The following SUMF1 variants were observed in gnomAD, a reference collection of about 807,000 sequenced individuals.
SUMF1 encodes formylglycine-generating enzyme.
A neutral mutation model predicts 47.6 loss-of-function variants in SUMF1; 48 were observed. The observed-to-expected ratio is 1.01, with a 90% CI of 0.80 to 1.28. SUMF1 has a LOEUF of 1.28. Among genes scored for constraint, SUMF1 ranks in the 50% most tolerant of loss-of-function variants. The pLI, the probability that SUMF1 is intolerant of heterozygous loss-of-function variation, is 0.00. For missense variants in SUMF1, 571 were observed against 485.4 expected (o/e 1.18, Z -1.66); for synonymous variants, 230 against 192.1 (o/e 1.20, Z -1.63).
At chr3:4,146,042 T>G (rs941722658) in intron 8 of SUMF1, among the ~76,000 whole-genome samples, 3 of 152,170 alleles carry the variant, frequency 2.0e-5, no homozygotes, top group Non-Finnish European at 4.4e-5. Flanking sequence ...GCCCCATTTA[T>G]TCCAGCAGGC....
rs367783148 is a variant in SUMF1, at chr3:4,264,784, A to G, written c.1014+111546T>C. Among the ~76,000 whole-genome samples the G allele has an allele frequency of 1.2e-4, 18 of 152,272 alleles. No individual in the cohort carries two copies. In the East Asian group the frequency reaches 1.5e-3, roughly 13 times the overall value. ...GACATTTAACTACCTAATATCAGAC[A>G]TTGTTAACAGCAGCAATTGCTAACA... On this transcript the variant is annotated intron_variant and NMD_transcript_variant, in intron 8 of 12. Transcript: ENST00000448413.
chr3:4,138,090 A>T (rs1359085053), intron 8 of SUMF1, among the ~76,000 whole-genome samples: 1 of 152,102 alleles, frequency 6.6e-6, no homozygotes, highest in Non-Finnish European at 1.5e-5. Flanking sequence ...AATACTTAGG[A>T]ATAAATTTAA....
chr3:4,103,519 C>T (rs1693086260), intron 8 of SUMF1, among the ~76,000 whole-genome samples: 1 of 151,962 alleles, frequency 6.6e-6, no homozygotes. Context: ...AAGAGGATGG[C>T]AAGTCCTAGA....
intron 8 of SUMF1, among the ~76,000 whole-genome samples, chr3:4,146,972 T>C (rs1574925731): frequency 6.6e-6 from 1 of 152,110 alleles, no homozygotes; most frequent in African/African-American, 2.4e-5. Flanking sequence ...GTCTTTGCTA[T>C]TGTGAATACA....
At chr3:4,278,474 C>T (rs1448829713) in intron 8 of SUMF1, among the ~76,000 whole-genome samples, 1 of 152,010 alleles carries the variant, frequency 6.6e-6, no homozygotes, top group Non-Finnish European at 1.5e-5. Flanking sequence ...TTTGAAAATA[C>T]AGGATGACTT....
At chr3:4,090,446 T>C (rs1692761605) in intron 8 of SUMF1, among the ~76,000 whole-genome samples, 1 of 152,098 alleles carries the variant, frequency 6.6e-6, no homozygotes, top group African/African-American at 2.4e-5. Context: ...CCAAGGTCAG[T>C]TCCCACCTTG....
At chr3:4,149,542 A>T (rs1694271014) in intron 8 of SUMF1, among the ~76,000 whole-genome samples, 2 of 152,300 alleles carry the variant, frequency 1.3e-5, no homozygotes, top group Middle Eastern at 6.8e-3. Flanking sequence ...TCTGGAGGCA[A>T]CATGTTCCTC....
chr3:4,266,315 T>C (rs1023474518), intron 8 of SUMF1, among the ~76,000 whole-genome samples: 3 of 152,204 alleles, frequency 2.0e-5, no homozygotes, highest in African/African-American at 7.2e-5. Flanking sequence ...ATAAATTACC[T>C]TGGGCAGTAT....
At chr3:4,354,531 T>C (rs1444706412) in intron 8 of SUMF1, among the ~76,000 whole-genome samples, 1 of 152,202 alleles carries the variant, frequency 6.6e-6, no homozygotes. Flanking sequence ...ACTTTCCCCT[T>C]CCGTGAGAAC....
At chr3:4,088,611 C>A (rs1368676239) in intron 8 of SUMF1, among the ~76,000 whole-genome samples, 1 of 152,182 alleles carries the variant, frequency 6.6e-6, no homozygotes, top group Non-Finnish European at 1.5e-5. Context: ...TACTTATTTT[C>A]TATCTCCCCA....
intron 2 of SUMF1, among the ~76,000 whole-genome samples, chr3:4,450,939 G>A (rs1179727152): frequency 6.6e-6 from 1 of 152,000 alleles, no homozygotes; most frequent in Admixed American, 6.5e-5. Flanking sequence ...ATAAAGTAAA[G>A]CTGGAGAGAT....
intron 8 of SUMF1, chr3:4,316,576 A>G (rs1350194799): frequency 2.6e-6 from 4 of 1,552,380 alleles, no homozygotes; most frequent in African/African-American, 1.4e-5. Flanking sequence ...TGGGTGCCTC[A>G]TGAGCTGACT....
At position 4,046,443 on chromosome 3, in the gene SUMF1, C is replaced by G. The variant is rs545555124; in HGVS notation, c.1191+22126G>C. Among the ~76,000 whole-genome samples the G allele has an allele frequency of 2.6e-5, 4 of 152,298 alleles. No homozygotes were observed. The South Asian group carries it at 8.3e-4, about 32-fold the overall frequency. On this transcript the variant is annotated intron_variant and NMD_transcript_variant, in intron 9 of 12. Transcript: ENST00000448413. ...AGTGGGATAAAGATGGAAGTTTCCACTGGCCTAACCCATAAATTCCTCCAC... is the reference window on the plus strand; with the variant it reads ...AGTGGGATAAAGATGGAAGTTTCCAGTGGCCTAACCCATAAATTCCTCCAC...
At chr3:4,117,146 A>C (rs1693440439) in intron 8 of SUMF1, among the ~76,000 whole-genome samples, 1 of 152,152 alleles carries the variant, frequency 6.6e-6, no homozygotes, top group South Asian at 2.1e-4. Context: ...TCTGGAAACT[A>C]ATTTTCTCTA....
intron 8 of SUMF1, among the ~76,000 whole-genome samples, chr3:4,110,083 T>C (rs1693257214): frequency 6.6e-6 from 1 of 152,136 alleles, no homozygotes; most frequent in African/African-American, 2.4e-5. Context: ...TTGATGATGG[T>C]GACGTACAGA....
intron 7 of SUMF1, among the ~76,000 whole-genome samples, chr3:4,399,071 A>G (rs1410546557): frequency 6.6e-6 from 1 of 152,140 alleles, no homozygotes; most frequent in Non-Finnish European, 1.5e-5. Flanking sequence ...ATAATCAGGA[A>G]TATTTTGAGG....
intron 8 of SUMF1, among the ~76,000 whole-genome samples, chr3:4,110,972 A>G (rs1228456195): frequency 6.6e-6 from 1 of 151,802 alleles, no homozygotes; most frequent in African/African-American, 2.4e-5. Context: ...GTGCACATGT[A>G]CCCTATAACT....
intron 8 of SUMF1, among the ~76,000 whole-genome samples, chr3:4,085,409 C>T (rs1429682228): frequency 6.6e-6 from 1 of 152,022 alleles, no homozygotes; most frequent in Non-Finnish European, 1.5e-5. Flanking sequence ...AGGTTGAGAG[C>T]TTCCACCAGT....
chr3:4,429,346 T>A (rs1260492036), intron 3 of SUMF1, among the ~76,000 whole-genome samples: 1 of 152,236 alleles, frequency 6.6e-6, no homozygotes. Context: ...AGTAGCTTAC[T>A]TATAGATCTT....
Sources: allele counts gnomAD v4.1 joint callset (sites outside exome capture counted in the v4.1 genomes callset), GRCh38; gene constraint gnomAD v4.1.1; transcripts MANE v1.5; gene names NCBI Gene and HGNC (gene_info 2026-07-23, HGNC 2026-07-21).